The following ELP3 variants were observed in gnomAD, a reference collection of about 807,000 sequenced individuals.
ELP3 encodes the protein elongator acetyltransferase complex subunit 3, also known as elongator complex protein 3.
Under a neutral mutation model 74.9 loss-of-function variants are expected in ELP3, and 56 were observed. The observed-to-expected ratio is 0.75, with a 90% CI of 0.60 to 0.93. The LOEUF (loss-of-function observed/expected upper bound fraction) is 0.93, where lower values mean the gene tolerates loss of function less well. Among genes scored for constraint, ELP3 ranks in the 40% least tolerant of loss-of-function variants. The pLI, the probability that ELP3 is intolerant of heterozygous loss-of-function variation, is 0.00. For missense variants in ELP3, 573 were observed against 686.5 expected, an observed-to-expected ratio of 0.83 and a Z score of 1.85; for synonymous variants, 222 against 239.8, an observed-to-expected ratio of 0.93 and a Z score of 0.68.
intron 9 of ELP3, among the ~76,000 whole-genome samples, chr8:28,137,305 T>C (rs538372480): frequency 2.0e-5 from 3 of 152,212 alleles, no homozygotes; most frequent in Admixed American, 6.5e-5. Context: ...AGCTAGTATT[T>C]GAAAGTCAGA....
rs1813465004 is a variant in ELP3 at position 28,147,120 on chromosome 8, T to C, written c.1101-8822T>C. Among the ~76,000 whole-genome samples, 1 of 152,256 alleles carries C rather than the reference T, an allele frequency of 6.6e-6. No homozygotes were observed. Among genetic ancestry groups the C allele is most frequent in the Non-Finnish European group, 1.5e-5 (1 of 68,038 alleles). ...GGGCCCCACAGATTCTGTAGCAGCC[T>C]CCTGGGTCTTTTTATCATACAGTTC... On this transcript the variant is annotated intron_variant, in intron 10 of 14. Coordinates refer to ENST00000256398, the MANE Select transcript of ELP3 (RefSeq NM_018091.6). The surrounding 1 kb of genome is among the most constrained non-coding windows in gnomAD (Gnocchi z 4.5).
At chr8:28,091,556 C>T (rs1050910422), upstream of ELP3, among the ~76,000 whole-genome samples, 2 of 152,150 alleles carry the variant, frequency 1.3e-5, no homozygotes, top group African/African-American at 4.8e-5. Context: ...GTTGTTGCCT[C>T]AATTCTAGTA....
At chr8:28,134,394 CT>C (rs1221418892) in intron 9 of ELP3, among the ~76,000 whole-genome samples, 1 of 152,150 alleles carries the variant, frequency 6.6e-6, no homozygotes, top group Non-Finnish European at 1.5e-5. Context: ...TGTTTGTAGT[CT>C]TTGCAGGGAA....
At chr8:28,159,808 C>T (rs950525288) in intron 12 of ELP3, among the ~76,000 whole-genome samples, 1 of 152,146 alleles carries the variant, frequency 6.6e-6, no homozygotes, top group African/African-American at 2.4e-5. Context: ...TCAGTGGAGG[C>T]GATAAGGACT....
chr8:28,108,679 A>G (rs1811797993), intron 5 of ELP3, among the ~76,000 whole-genome samples: 1 of 152,018 alleles, frequency 6.6e-6, no homozygotes, highest in Admixed American at 6.6e-5. Flanking sequence ...CTGGTCTCGA[A>G]CTGCTGACCT....
intron 10 of ELP3, among the ~76,000 whole-genome samples, chr8:28,155,002 A>G (rs1227238987): frequency 6.6e-6 from 1 of 152,180 alleles, no homozygotes; most frequent in Non-Finnish European, 1.5e-5. Context: ...CTTTTGCTGG[A>G]GGAATATCTT....
rs1035980116 is a variant in ELP3 at position 28,161,434 on chromosome 8, C to T, written c.1486-563C>T. 2.6e-5 allele frequency among the ~76,000 whole-genome samples: 4 copies of T among 151,892 alleles called. No homozygotes were observed. In the East Asian group the frequency reaches 5.8e-4, roughly 22 times the overall value. On this transcript the variant is annotated intron_variant, in intron 13 of 14. Transcript: ENST00000256398. ...ACTAAAAGTACAAAAATTAGCTGGGCGTGGCGGCACGTGCCTGTAGTCACA... is the reference window on the plus strand; with the variant it reads ...ACTAAAAGTACAAAAATTAGCTGGGTGTGGCGGCACGTGCCTGTAGTCACA...
Position 28,129,675 on chromosome 8 carries a change from G to A in ELP3, c.779+12G>A. On this transcript the variant is annotated intron_variant, in intron 8 of 14. Transcript: ENST00000256398. The stretch of plus-strand genomic sequence containing the variant: ...AGAGACACCAACAGGTAAGATGGTG[G>A]CAGGTGATCTTGCACAAGTCTTCCT... The A allele has an allele frequency of 1.2e-6, 2 of 1,613,462 alleles. No individual in the cohort carries two copies. Among genetic ancestry groups the A allele is most frequent in the Non-Finnish European group, 1.7e-6 (2 of 1,179,462 alleles).
intron 7 of ELP3, among the ~76,000 whole-genome samples, chr8:28,121,444 C>T (rs1048494967): frequency 1.3e-4 from 20 of 151,514 alleles, no homozygotes; most frequent in African/African-American, 2.9e-4. Context: ...CTCAGCCTCC[C>T]GAGTAGCTGG....
At chr8:28,181,017 C>A (rs1004750116) in intron 14 of ELP3, among the ~76,000 whole-genome samples, 1 of 152,162 alleles carries the variant, frequency 6.6e-6, no homozygotes. Context: ...ACACTGCCCC[C>A]ACGCCCCCAG....
chr8:28,091,736 A>G (rs1034700079), upstream of ELP3, among the ~76,000 whole-genome samples: 1 of 152,210 alleles, frequency 6.6e-6, no homozygotes, highest in Non-Finnish European at 1.5e-5. Flanking sequence ...AGTGTCTGAG[A>G]CAGGTCTCAG....
At position 28,190,976 on chromosome 8, in the gene ELP3, C is replaced by G. The variant is rs1261056605; in HGVS notation, c.*1251C>G. ...AGGATTGGCTTCTTCAAAGGCTCCT[C>G]TTGTAGAACTGCCTCTTTGAAATTT... On this transcript the variant is annotated 3_prime_UTR_variant, in exon 15 of 15. Transcript: ENST00000256398. 6.6e-6 allele frequency: 1 copy of G among 152,212 alleles called. No individual in the cohort carries two copies. The highest frequency in any genetic ancestry group is 6.5e-5 in the Admixed American group (1 of 15,284). 9.4% of individuals were successfully genotyped at this position (152,212 alleles called of 1,614,324 possible).
At chr8:28,109,788 CA>C (rs35750434) in intron 5 of ELP3, among the ~76,000 whole-genome samples, 6 of 152,172 alleles carry the variant, frequency 3.9e-5, no homozygotes, top group Non-Finnish European at 7.3e-5. Flanking sequence ...TGTTGGCACT[CA>C]AAAAATTATG....
chr8:28,181,353 G>A (rs2130609604), intron 14 of ELP3, among the ~76,000 whole-genome samples: 1 of 152,278 alleles, frequency 6.6e-6, no homozygotes, highest in African/African-American at 2.4e-5. Flanking sequence ...TTTTAGAAAT[G>A]GTGACTGCAA....
At chr8:28,145,336 T>C (rs1486440947) in intron 10 of ELP3, among the ~76,000 whole-genome samples, 2 of 152,218 alleles carry the variant, frequency 1.3e-5, no homozygotes, top group Admixed American at 6.5e-5. Flanking sequence ...GCACCCTGAC[T>C]CTGTTTAATT....
At chr8:28,092,659 G>C (rs60387555), upstream of ELP3, among the ~76,000 whole-genome samples, 2 of 150,118 alleles carry the variant, frequency 1.3e-5, no homozygotes, top group Non-Finnish European at 3.0e-5. Context: ...CTAAGACCAA[G>C]GTGACCACCT....
intron 10 of ELP3, among the ~76,000 whole-genome samples, chr8:28,145,467 T>G (rs1467535267): frequency 1.3e-5 from 2 of 152,194 alleles, no homozygotes; most frequent in East Asian, 3.8e-4. Context: ...TTGAAATCAT[T>G]GTAAAGGAAA....
chr8:28,155,230 TC>T (rs1563277094), intron 10 of ELP3, among the ~76,000 whole-genome samples: 1 of 152,210 alleles, frequency 6.6e-6, no homozygotes, highest in Non-Finnish European at 1.5e-5. Context: ...TATTTTTACT[TC>T]AGATTTTGTT....
In ELP3 at chr8:28,190,430, G is replaced by A. The variant is rs1367031302; in HGVS notation, c.*705G>A. The A allele has an allele frequency of 6.6e-6, 1 of 152,112 alleles. No homozygotes were observed. Among genetic ancestry groups the A allele is most frequent in the African/African-American group, 2.4e-5 (1 of 41,362 alleles). 9.4% of individuals were successfully genotyped at this position (152,112 alleles called of 1,614,324 possible). On this transcript the variant is annotated 3_prime_UTR_variant, in exon 15 of 15. Transcript: ENST00000256398. ...TGTTATCTCTACTTCCCACCCTCTT[G>A]GCAACTACAGAGCAGTGTGGGCAGC... is the stretch of plus-strand genomic sequence containing the variant.
Sources: allele counts gnomAD v4.1 joint callset (sites outside exome capture counted in the v4.1 genomes callset), GRCh38; gene constraint gnomAD v4.1.1; non-coding constraint Gnocchi (gnomAD v3.1); transcripts MANE v1.5; gene names NCBI Gene and HGNC (gene_info 2026-07-23, HGNC 2026-07-21).